Variants in ZFYVE9 observed in about 807,000 individuals in gnomAD.
The protein encoded by ZFYVE9 is zinc finger FYVE-type containing 9.
A neutral mutation model predicts 126.7 loss-of-function variants in ZFYVE9; 43 were observed. The ratio of observed to expected loss-of-function variants is 0.34; its 90% CI spans 0.27 to 0.44. The LOEUF is 0.44. Ranked by LOEUF, ZFYVE9 falls within the 20% of genes least tolerant of loss-of-function variation. ZFYVE9 has a pLI of 1.00. For synonymous variants in ZFYVE9, 521 were observed against 597.4 expected, an observed-to-expected ratio of 0.87 and a Z score of 1.87; for missense variants, 1,476 against 1,697.0, an observed-to-expected ratio of 0.87 and a Z score of 2.29.
At chr1:52,246,663 C>T (rs1482772564) in intron 4 of ZFYVE9, among the ~76,000 whole-genome samples, 1 of 148,208 alleles carries the variant, frequency 6.7e-6, no homozygotes, top group Non-Finnish European at 1.5e-5. Context: ...TCCTGGGTAG[C>T]TGGGGCTACG....
intron 12 of ZFYVE9, among the ~76,000 whole-genome samples, chr1:52,296,188 C>A (rs1032334228): frequency 1.3e-5 from 2 of 151,808 alleles, no homozygotes; most frequent in Admixed American, 6.6e-5. Flanking sequence ...CACACACACA[C>A]ACACACATAT....
chr1:52,290,482 CTA>C (rs1645907637), intron 10 of ZFYVE9, among the ~76,000 whole-genome samples: 1 of 152,156 alleles, frequency 6.6e-6, no homozygotes. Context: ...CTTTAATTCC[CTA>C]TTCTCCTCCT....
intron 13 of ZFYVE9, among the ~76,000 whole-genome samples, chr1:52,329,728 A>T (rs2477103): frequency 0.82 from 124,046 of 151,922 alleles, 52,826 homozygotes; most frequent in Non-Finnish European, 0.93. Context: ...ATACGGTGAA[A>T]TCCCGTCTCT....
intron 14 of ZFYVE9, among the ~76,000 whole-genome samples, chr1:52,334,268 A>C (rs1646369949): frequency 1.3e-5 from 2 of 152,186 alleles, no homozygotes; most frequent in Admixed American, 1.3e-4. Flanking sequence ...GGTTTTTGTC[A>C]ACAACTATTC....
intron 13 of ZFYVE9, among the ~76,000 whole-genome samples, chr1:52,308,005 G>A (rs1274373215): frequency 6.6e-6 from 1 of 152,012 alleles, no homozygotes; most frequent in Non-Finnish European, 1.5e-5. Context: ...ACCCACCTTG[G>A]CCTCCCAAAG....
chr1:52,148,034 C>A (rs966411759), intron 1 of ZFYVE9, among the ~76,000 whole-genome samples: 1 of 151,998 alleles, frequency 6.6e-6, no homozygotes, highest in African/African-American at 2.4e-5. Flanking sequence ...CCACCCACAG[C>A]CTCCCAAAGT....
At position 52,344,912 on chromosome 1, in the gene ZFYVE9, C is replaced by G. The variant is rs1189669515; in HGVS notation, c.4084C>G (p.Leu1362Val). The change falls in exon 18 of 19, where the codon CTG becomes GTG. Residue 1362 changes from leucine to valine, a missense_variant. Physicochemically the swap from Leu to Val is conservative, Grantham distance 32. This residue lies in a region of ZFYVE9 where 669 missense variants were observed against 902.4 expected (regional missense o/e 0.74). Transcript: ENST00000287727. ...TCTGAAGGAAGATGGAATGACCAAA[C>G]TGGGACTACGTGTGACACTTGACTC... ...KLLKEDGMTK[L>V]GLRVTLDSDQ... 1 of 1,614,210 alleles carries G rather than the reference C, an allele frequency of 6.2e-7. No individual in the cohort carries two copies. Among genetic ancestry groups the G allele is most frequent in the Admixed American group, 1.7e-5 (1 of 60,014 alleles).
chr1:52,304,790 G>A (rs1014442436), intron 13 of ZFYVE9, among the ~76,000 whole-genome samples: 2 of 151,496 alleles, frequency 1.3e-5, no homozygotes, highest in Admixed American at 6.6e-5. Flanking sequence ...GACTTTCCAC[G>A]TGATTTTTTT....
chr1:52,149,104 C>T (rs1450988015), intron 1 of ZFYVE9, among the ~76,000 whole-genome samples: 1 of 151,488 alleles, frequency 6.6e-6, no homozygotes, highest in Non-Finnish European at 1.5e-5. Flanking sequence ...GCTGTTACTA[C>T]AGGCGCCTGT....
chr1:52,157,195 A>G (rs1274664575), intron 1 of ZFYVE9, among the ~76,000 whole-genome samples: 5 of 151,850 alleles, frequency 3.3e-5, no homozygotes, highest in Non-Finnish European at 7.4e-5. Flanking sequence ...TGGACTTGGG[A>G]ATAATTTTAC....
chr1:52,231,257 C>T (rs568999329), intron 2 of ZFYVE9, among the ~76,000 whole-genome samples: 12 of 152,192 alleles, frequency 7.9e-5, no homozygotes, highest in Admixed American at 5.2e-4. Context: ...GTGGCTCATG[C>T]GTGTAATCCC....
At chr1:52,182,216 C>G (rs1039476570) in intron 1 of ZFYVE9, among the ~76,000 whole-genome samples, 1 of 152,072 alleles carries the variant, frequency 6.6e-6, no homozygotes, top group Non-Finnish European at 1.5e-5. Context: ...GTGAGGAGCC[C>G]CTCTGCCCGG....
Position 52,268,637 on chromosome 1 carries a change from G to GAAAAC in ZFYVE9, c.2625+12_2625+16dup. ...ACCAGTCCTCTACCAGCAGAGGTAA[G>GAAAAC]AAAACAAAACAGCAACTAAAATTGC... On this transcript the variant is annotated splice_donor_region_variant and intron_variant, in intron 7 of 18. Transcript: ENST00000287727. The GAAAAC allele has an allele frequency of 3.7e-6, 6 of 1,612,338 alleles. No homozygotes were observed. The highest frequency in any genetic ancestry group is 5.1e-6 in the Non-Finnish European group (6 of 1,178,828).
intron 4 of ZFYVE9, among the ~76,000 whole-genome samples, chr1:52,257,735 GTATT>G (rs985335734): frequency 3.3e-5 from 5 of 152,200 alleles, no homozygotes; most frequent in Middle Eastern, 3.4e-3. Context: ...ATGTATTTAT[GTATT>G]TATTTATTTT....
Position 52,324,142 on chromosome 1 carries a change from G to C in ZFYVE9, c.3439-8626G>C, listed in dbSNP as rs148728083. On this transcript the variant is annotated intron_variant, in intron 13 of 18. Coordinates refer to ENST00000287727, the MANE Select transcript of ZFYVE9 (RefSeq NM_004799.4). ...GTACATAGCTATAGTCTGTGTACCT[G>C]GGAGGCTGAGGTGGGAGGCTCACTT... 6.4e-3 allele frequency among the ~76,000 whole-genome samples: 980 copies of C among 152,176 alleles called. 9 individuals carry two copies. Among genetic ancestry groups the C allele is most frequent in the African/African-American group, 0.022 (905 of 41,528 alleles).
chr1:52,331,983 T>C (rs561362848), intron 13 of ZFYVE9, among the ~76,000 whole-genome samples: 15 of 151,894 alleles, frequency 9.9e-5, no homozygotes, highest in African/African-American at 3.6e-4. Context: ...GGTTTCACCG[T>C]ATTAACCATG....
intron 14 of ZFYVE9, 57 bp downstream of exon 14, chr1:52,332,975 A>C: frequency 6.2e-7 from 1 of 1,604,082 alleles, no homozygotes; most frequent in Non-Finnish European, 8.5e-7. Context: ...GGACTTGGAC[A>C]GTTAGATACC....
intron 1 of ZFYVE9, among the ~76,000 whole-genome samples, chr1:52,152,914 G>A (rs1644370606): frequency 6.6e-6 from 1 of 152,208 alleles, no homozygotes; most frequent in South Asian, 2.1e-4. Flanking sequence ...GAAAGGAAAT[G>A]GGGAGAAAGC....
At chr1:52,331,836 T>C (rs935140690) in intron 13 of ZFYVE9, among the ~76,000 whole-genome samples, 4 of 146,580 alleles carry the variant, frequency 2.7e-5, no homozygotes, top group African/African-American at 9.9e-5. Context: ...TGGAGTGCAG[T>C]GGTGCGATCT....
Sources: allele counts gnomAD v4.1 joint callset (sites outside exome capture counted in the v4.1 genomes callset), GRCh38; gene constraint gnomAD v4.1.1; regional missense constraint gnomAD v4.1.1; transcripts MANE v1.5; gene names NCBI Gene and HGNC (gene_info 2026-07-23, HGNC 2026-07-21).